Variants in SLC9C1 observed in about 807,000 individuals in gnomAD.
SLC9C1 encodes the protein solute carrier family 9 member C1.
In SLC9C1, 97 loss-of-function variants were observed where a neutral mutation model predicts 140.9. That is an observed-to-expected ratio of 0.69 (90% CI 0.58 to 0.82). The LOEUF is 0.82. Among genes scored for constraint, SLC9C1 ranks in the 40% least tolerant of loss-of-function variants. The probability of loss-of-function intolerance (pLI) is 0.00; values close to 1 mark genes in which losing one functional copy is unlikely to be tolerated. For synonymous variants in SLC9C1, 440 were observed against 442.6 expected, an observed-to-expected ratio of 0.99 and a Z score of 0.07; for missense variants, 1,340 against 1,389.3, an observed-to-expected ratio of 0.96 and a Z score of 0.56.
At chr3:112,215,813 A>G (rs1340158211) in intron 15 of SLC9C1, among the ~76,000 whole-genome samples, 2 of 152,154 alleles carry the variant, frequency 1.3e-5, no homozygotes, top group Non-Finnish European at 2.9e-5. Context: ...ACTATCCCCA[A>G]CAAGCTACCA....
At chr3:112,190,962 CACAT>C (rs144851206) in intron 20 of SLC9C1, among the ~76,000 whole-genome samples, 22,221 of 139,578 alleles carry the variant, frequency 0.16, 1,777 homozygotes, top group Middle Eastern at 0.21. Flanking sequence ...CACACACACA[CACAT>C]ATATATATAT....
intron 3 of SLC9C1, among the ~76,000 whole-genome samples, chr3:112,279,560 G>A (rs1176403094): frequency 2.0e-5 from 3 of 152,180 alleles, no homozygotes; most frequent in Admixed American, 6.5e-5. Context: ...AAAGGAGTAA[G>A]TGATTGTACC....
At chr3:112,251,760 A>G (rs1219479343) in intron 10 of SLC9C1, among the ~76,000 whole-genome samples, 4 of 150,974 alleles carry the variant, frequency 2.6e-5, no homozygotes, top group Non-Finnish European at 1.5e-5. Flanking sequence ...GCCCTGTGGA[A>G]GAGTAGCCAG....
intron 12 of SLC9C1, among the ~76,000 whole-genome samples, chr3:112,237,656 T>C (rs2079027323): frequency 6.6e-6 from 1 of 152,192 alleles, no homozygotes; most frequent in Non-Finnish European, 1.5e-5. Flanking sequence ...GGCCTGGTGG[T>C]GACAAAATCT....
intron 14 of SLC9C1, among the ~76,000 whole-genome samples, chr3:112,220,701 A>G (rs191888215): frequency 1.3e-5 from 2 of 152,322 alleles, no homozygotes; most frequent in Admixed American, 1.3e-4. Context: ...AAGATTACAA[A>G]TGCATGCTGA....
At chr3:112,285,737 T>C (rs2080489743) in intron 2 of SLC9C1, among the ~76,000 whole-genome samples, 1 of 152,158 alleles carries the variant, frequency 6.6e-6, no homozygotes, top group South Asian at 2.1e-4. Flanking sequence ...TATTTTTCCT[T>C]ATGGTATTCA....
At chr3:112,190,862 A>T in intron 20 of SLC9C1, among the ~76,000 whole-genome samples, 1 of 150,398 alleles carries the variant, frequency 6.6e-6, no homozygotes, top group African/African-American at 2.5e-5. Flanking sequence ...TTTGCTTTTA[A>T]TCTCATTTTA....
chr3:112,264,364 TA>T, intron 8 of SLC9C1, 21 bp from the exon 9 acceptor site: 1 of 1,296,036 alleles, frequency 7.7e-7, no homozygotes, highest in Non-Finnish European at 1.0e-6. Context: ...CAGAAAAAAT[TA>T]AAAATATTTA....
At chr3:112,252,227 C>T (rs1017054915) in intron 10 of SLC9C1, among the ~76,000 whole-genome samples, 1 of 151,912 alleles carries the variant, frequency 6.6e-6, no homozygotes, top group Admixed American at 6.6e-5. Flanking sequence ...GGAAAAGTCC[C>T]CCAGAACAGT....
chr3:112,263,582 A>C (rs768203992), intron 9 of SLC9C1, among the ~76,000 whole-genome samples: 3 of 151,628 alleles, frequency 2.0e-5, no homozygotes, highest in Non-Finnish European at 3.0e-5. Context: ...ATAATTTGGG[A>C]AATAATTTTA....
intron 11 of SLC9C1, among the ~76,000 whole-genome samples, chr3:112,242,677 C>T (rs9810296): frequency 1 from 151,540 of 152,300 alleles, 75,396 homozygotes; most frequent in Middle Eastern, 1. Flanking sequence ...ACTAAAAGAG[C>T]ACAATTGGAT....
At chr3:112,222,168 A>T (rs2078558252) in intron 13 of SLC9C1, among the ~76,000 whole-genome samples, 1 of 152,216 alleles carries the variant, frequency 6.6e-6, no homozygotes, top group Non-Finnish European at 1.5e-5. Context: ...TCCTCAAGAT[A>T]AAAATTGTAG....
intron 13 of SLC9C1, among the ~76,000 whole-genome samples, chr3:112,229,635 A>G (rs896915767): frequency 2.0e-5 from 3 of 151,762 alleles, no homozygotes; most frequent in African/African-American, 7.3e-5. Context: ...GTGTGCGTGT[A>G]TGTGTGTGTG....
At position 112,202,356 on chromosome 3, in the gene SLC9C1, C is replaced by T; in HGVS notation, c.2216G>A (p.Ser739Asn). Residue 739 changes from serine (S) to asparagine (N), a missense_variant, in exon 18 of 29, where the codon AGT becomes AAT. Coordinates refer to ENST00000305815, the MANE Select transcript of SLC9C1 (RefSeq NM_183061.3). ...TCCATACCAAAAGGTCTTCTGATGACTCATTCTTTTATCTATTATTTGCAG... is the reference window on the plus strand; with the variant it reads ...TCCATACCAAAAGGTCTTCTGATGATTCATTCTTTTATCTATTATTTGCAG... ...KLLQIIDKRM[S>N]HQKTFWYGIL... is the part of the protein sequence containing the mutation. 6.2e-7 allele frequency: 1 copy of T among 1,607,568 alleles called. No homozygotes were observed. Among genetic ancestry groups the T allele is most frequent in the South Asian group, 1.1e-5 (1 of 89,054 alleles).
intron 2 of SLC9C1, among the ~76,000 whole-genome samples, chr3:112,282,423 G>T (rs2080383653): frequency 6.6e-6 from 1 of 152,166 alleles, no homozygotes; most frequent in African/African-American, 2.4e-5. Flanking sequence ...CTTATTATGA[G>T]AGTGTTTTGA....
chr3:112,225,864 A>T (rs2078669521), intron 13 of SLC9C1, among the ~76,000 whole-genome samples: 1 of 152,198 alleles, frequency 6.6e-6, no homozygotes, highest in Non-Finnish European at 1.5e-5. Context: ...AAAGGGATCA[A>T]ATCAGCAAAA....
chr3:112,218,539 A>G (rs895398578), intron 14 of SLC9C1, among the ~76,000 whole-genome samples: 1 of 152,238 alleles, frequency 6.6e-6, no homozygotes, highest in Admixed American at 6.5e-5. Context: ...AAATAAATGG[A>G]AAATGTTGAA....
intron 26 of SLC9C1, among the ~76,000 whole-genome samples, chr3:112,162,621 C>T (rs2075339146): frequency 6.6e-6 from 1 of 151,984 alleles, no homozygotes; most frequent in Non-Finnish European, 1.5e-5. Flanking sequence ...GGGATGAAGC[C>T]CACTTGACCA....
At chr3:112,269,614 AT>A (rs745992987) in intron 7 of SLC9C1, among the ~76,000 whole-genome samples, 3 of 152,142 alleles carry the variant, frequency 2.0e-5, no homozygotes, top group Non-Finnish European at 2.9e-5. Flanking sequence ...TATAACCATA[AT>A]CATTTTTTGT....
Sources: gnomAD v4.1 joint callset for allele counts (sites outside exome capture counted in the v4.1 genomes callset) on GRCh38, gnomAD v4.1.1 for gene constraint, MANE v1.5 for transcripts, NCBI Gene and HGNC (gene_info 2026-07-23, HGNC 2026-07-21) for gene names.